BCL7A: variants seen among roughly 807,000 people sequenced by gnomAD.
BCL7A encodes the protein BAF chromatin remodeling complex subunit BCL7A.
BCL7A carries 11 observed loss-of-function variants against 28.4 expected under a neutral mutation model. The observed-to-expected ratio is 0.39, with a 90% CI of 0.24 to 0.64. The LOEUF (loss-of-function observed/expected upper bound fraction) is 0.64. Among genes scored for constraint, BCL7A ranks in the 30% least tolerant of loss-of-function variants. The pLI, the probability that BCL7A is intolerant of heterozygous loss-of-function variation, is 0.50. For synonymous variants in BCL7A, 123 were observed against 103.3 expected (o/e 1.19, Z -1.15); for missense variants, 222 against 274.8 (o/e 0.81, Z 1.36).
chr12:122,033,856 C>G (rs1027469427), intron 2 of BCL7A, among the ~76,000 whole-genome samples: 3 of 152,178 alleles, frequency 2.0e-5, no homozygotes, highest in African/African-American at 7.2e-5. Flanking sequence ...AAAAAAGGAA[C>G]TCATACCCAT....
intron 1 of BCL7A, among the ~76,000 whole-genome samples, chr12:122,024,192 A>G (rs2135835779): frequency 6.6e-6 from 1 of 152,300 alleles, no homozygotes; most frequent in East Asian, 1.9e-4. Flanking sequence ...GGGAAACAAC[A>G]CATCGTGTCC....
chr12:122,024,067 C>T (rs1265970376), intron 1 of BCL7A, among the ~76,000 whole-genome samples: 5 of 152,108 alleles, frequency 3.3e-5, no homozygotes, highest in African/African-American at 1.2e-4. Context: ...TGGGGCTTCC[C>T]ACCCCGCGGG....
At position 122,059,165 on chromosome 12, in the gene BCL7A, C is replaced by T. The variant is rs550091216; in HGVS notation, c.*2C>T. On this transcript the variant is annotated 3_prime_UTR_variant, in exon 6 of 6. Transcript: ENST00000261822. This position sits in a 1 kb window ranked among gnomAD's most constrained non-coding sequence, Gnocchi z 4.0. ...CAACAAAACTCCGAAGAGATGTAGA[C>T]GATGCTTTAAAGCCTCCGATCCATG... The T allele has an allele frequency of 1.4e-5, 23 of 1,609,474 alleles. No individual in the cohort carries two copies. The highest frequency in any genetic ancestry group is 8.0e-5 in the African/African-American group (6 of 74,946).
At chr12:122,047,836 T>G (rs1351746732) in intron 4 of BCL7A, among the ~76,000 whole-genome samples, 2 of 151,488 alleles carry the variant, frequency 1.3e-5, no homozygotes. Context: ...AAGATGTTTC[T>G]TGAAGCTATT....
At chr12:122,055,818 A>T (rs1205808008) in intron 5 of BCL7A, among the ~76,000 whole-genome samples, 1 of 152,170 alleles carries the variant, frequency 6.6e-6, no homozygotes, top group East Asian at 1.9e-4. Context: ...GGGTTTCACC[A>T]TGTTGGCCAG....
chr12:122,045,449 T>G (rs1434315836), intron 4 of BCL7A, among the ~76,000 whole-genome samples: 1 of 152,018 alleles, frequency 6.6e-6, no homozygotes, highest in East Asian at 1.9e-4. Flanking sequence ...TGTGGGGGGC[T>G]CGTAAGGCCA....
At chr12:122,051,866 C>CTTTTTTTTTTTTTTTTTTTTTTTTTTTTT in intron 4 of BCL7A, among the ~76,000 whole-genome samples, 1 of 80,302 alleles carries the variant, frequency 1.2e-5, no homozygotes, top group Non-Finnish European at 2.2e-5. Flanking sequence ...CTCTCTCTCT[C>CTTTTTTTTTTTTTTTTTTTTTTTTTTTTT]TTTTTTTTTT....
At chr12:122,050,682 G>C (rs1305807065) in intron 4 of BCL7A, among the ~76,000 whole-genome samples, 1 of 152,232 alleles carries the variant, frequency 6.6e-6, no homozygotes, top group Admixed American at 6.5e-5. Flanking sequence ...GGGATGACCA[G>C]CTACTCGGGA....
chr12:122,029,993 G>T lies in BCL7A; in HGVS notation c.93-707G>T, dbSNP rs1382326628. Among the ~76,000 whole-genome samples, 2 of 152,180 alleles carry T rather than the reference G, an allele frequency of 1.3e-5. No individual in the cohort carries two copies. Among genetic ancestry groups the T allele is most frequent in the Non-Finnish European group, 2.9e-5 (2 of 68,020 alleles). Reference sequence around the variant, plus strand: ...ATCCATAAACCTGCCTCTCACAGTGGGGGGTCTGGACTCCGTCCTTCAGGC... The same window carrying T: ...ATCCATAAACCTGCCTCTCACAGTGTGGGGTCTGGACTCCGTCCTTCAGGC... On this transcript the variant is annotated intron_variant, in intron 1 of 5. Coordinates refer to ENST00000261822, the MANE Select transcript of BCL7A (RefSeq NM_001024808.3). The surrounding 1 kb of genome is among the most constrained non-coding windows in gnomAD (Gnocchi z 4.3).
At chr12:122,041,123 G>A (rs1031520627) in intron 3 of BCL7A, among the ~76,000 whole-genome samples, 2 of 152,068 alleles carry the variant, frequency 1.3e-5, no homozygotes, top group Admixed American at 6.6e-5. Context: ...GTGTGGGGCC[G>A]CCTGACTGCC....
At chr12:122,030,833 C>T (rs778656593) in intron 2 of BCL7A, 52 bp downstream of exon 2, 1 of 1,554,530 alleles carries the variant, frequency 6.4e-7, no homozygotes, top group Non-Finnish European at 8.9e-7. Context: ...CGTGCTCCTC[C>T]CACCATGGGG....
rs1883692253 is a variant in BCL7A, at chr12:122,029,289, G to C, written c.93-1411G>C. Among the ~76,000 whole-genome samples, 3 of 152,174 alleles carry C rather than the reference G, an allele frequency of 2.0e-5. No homozygotes were observed. The South Asian group carries it at 6.2e-4, about 31-fold the overall frequency. On this transcript the variant is annotated intron_variant, in intron 1 of 5. Coordinates refer to ENST00000261822, the MANE Select transcript of BCL7A (RefSeq NM_001024808.3). This position sits in a 1 kb window ranked among gnomAD's most constrained non-coding sequence, Gnocchi z 4.3. ...GATGGAACACGTGGGACCCGAGCGG[G>C]CAGGGTTTTTGGGGGTGAGGTGTCT...
At chr12:122,038,354 T>C (rs1295241598) in intron 3 of BCL7A, among the ~76,000 whole-genome samples, 1 of 136,186 alleles carries the variant, frequency 7.3e-6, no homozygotes. Flanking sequence ...ATCGCTTGAA[T>C]CTGGGAGGCG....
chr12:122,057,502 C>T (rs1951886693), intron 5 of BCL7A, among the ~76,000 whole-genome samples: 1 of 152,182 alleles, frequency 6.6e-6, no homozygotes, highest in Admixed American at 6.5e-5. Flanking sequence ...AAGCAGGCTG[C>T]TCCATCAGCC....
chr12:122,058,698 A>G (rs1026213132), intron 5 of BCL7A, among the ~76,000 whole-genome samples: 1 of 152,312 alleles, frequency 6.6e-6, no homozygotes, highest in Non-Finnish European at 1.5e-5. Context: ...ACTTGAAACA[A>G]TAATCACAAG....
intron 1 of BCL7A, among the ~76,000 whole-genome samples, chr12:122,024,438 A>G (rs555880648): frequency 1.4e-5 from 2 of 147,072 alleles, no homozygotes; most frequent in East Asian, 2.0e-4. Flanking sequence ...TGGACTTTGT[A>G]GAAACTTGGC....
intron 5 of BCL7A, among the ~76,000 whole-genome samples, chr12:122,057,811 G>T (rs28369541): frequency 0.017 from 2,519 of 152,230 alleles, 79 homozygotes; most frequent in African/African-American, 0.057. Flanking sequence ...TGAGAGTCCA[G>T]CCCAGACCAG....
intron 4 of BCL7A, 149 bp downstream of exon 4, chr12:122,044,202 G>A (rs1008069508): frequency 3.4e-5 from 31 of 921,438 alleles, no homozygotes; most frequent in East Asian, 1.4e-4. Flanking sequence ...ACATGGTCTC[G>A]TGGGGGAATT....
At chr12:122,024,859 A>G (rs555800975) in intron 1 of BCL7A, among the ~76,000 whole-genome samples, 1 of 152,238 alleles carries the variant, frequency 6.6e-6, no homozygotes, top group African/African-American at 2.4e-5. Context: ...GGGAAGCCGA[A>G]GTGTTTGGCA....
Sources: gnomAD v4.1 joint callset for allele counts (sites outside exome capture counted in the v4.1 genomes callset) on GRCh38, gnomAD v4.1.1 for gene constraint, Gnocchi (gnomAD v3.1) non-coding constraint, MANE v1.5 for transcripts, NCBI Gene and HGNC (gene_info 2026-07-23, HGNC 2026-07-21) for gene names.